LY96: variants seen among roughly 807,000 people sequenced by gnomAD.
LY96 encodes lymphocyte antigen 96.
LY96 carries 18 observed loss-of-function variants against 18.9 expected under a neutral mutation model. The observed-to-expected ratio is 0.95, with a 90% confidence interval of 0.66 to 1.41. The LOEUF (loss-of-function observed/expected upper bound fraction) is 1.41. Among genes scored for constraint, LY96 ranks in the 40% most tolerant of loss-of-function variants. The pLI is 0.00. For missense variants in LY96, 175 were observed against 182.4 expected (o/e 0.96, Z 0.23); for synonymous variants, 66 against 62.6 (o/e 1.06, Z -0.26).
chr8:74,043,183 T>C, the LY96 span, among the ~76,000 whole-genome samples: 2 of 152,208 alleles, frequency 1.3e-5, no homozygotes, highest in African/African-American at 2.4e-5. Flanking sequence ...TGCCAGTAAA[T>C]ATTGAATGAT....
rs1168525577 is a variant in LY96, at chr8:74,002,044, T to G, written c.113-2752T>G. Among the ~76,000 whole-genome samples the G allele has an allele frequency of 8.1e-4, 29 of 35,778 alleles. 1 individual carries two copies. Among genetic ancestry groups the G allele is most frequent in the African/African-American group, 2.3e-3 (12 of 5,134 alleles). 23.5% of individuals were successfully genotyped at this position (35,778 alleles called of 152,430 possible). ...CTTCCTTCCTTCCTTCCTTCCTTCCTTCCTTCCTTCCTTCCTTCCTTCCTT... is the reference window on the plus strand; with the variant it reads ...CTTCCTTCCTTCCTTCCTTCCTTCCGTCCTTCCTTCCTTCCTTCCTTCCTT... On this transcript the variant is annotated intron_variant, in intron 1 of 4. Transcript: ENST00000284818.
the LY96 span, among the ~76,000 whole-genome samples, chr8:74,076,907 G>T: frequency 8.5e-5 from 13 of 152,280 alleles, no homozygotes; most frequent in South Asian, 2.7e-3. Flanking sequence ...CCTCAAGACT[G>T]CCCCTACTTC....
the LY96 span, among the ~76,000 whole-genome samples, chr8:74,077,962 G>C: frequency 6.6e-6 from 1 of 151,998 alleles, no homozygotes; most frequent in African/African-American, 2.4e-5. Context: ...AAAAAAATTA[G>C]CTGAGTGTGG....
intron 3 of LY96, among the ~76,000 whole-genome samples, chr8:74,014,157 C>G (rs1816589920): frequency 6.6e-6 from 1 of 151,660 alleles, no homozygotes; most frequent in South Asian, 2.1e-4. Context: ...AATCAAGACC[C>G]TCTTGGGCTG....
chr8:74,038,684 AC>A, the LY96 span, among the ~76,000 whole-genome samples: 1 of 152,160 alleles, frequency 6.6e-6, no homozygotes, highest in African/African-American at 2.4e-5. Flanking sequence ...GAGCCAGTGC[AC>A]CCAGACTCTC....
the LY96 span, among the ~76,000 whole-genome samples, chr8:74,094,882 T>A: frequency 3.9e-5 from 6 of 152,212 alleles, no homozygotes; most frequent in Non-Finnish European, 7.3e-5. Flanking sequence ...CATTCACATA[T>A]GGCTTTGTGT....
chr8:74,060,147 AAAC>A, the LY96 span, among the ~76,000 whole-genome samples: 9 of 151,316 alleles, frequency 5.9e-5, no homozygotes, highest in Non-Finnish European at 1.0e-4. Context: ...ACCTTGTTTC[AAAC>A]AACAACAACG....
At chr8:74,028,862 G>A in intron 4 of LY96, 94 bp from the exon 5 acceptor site, 1 of 697,018 alleles carries the variant, frequency 1.4e-6, no homozygotes, top group South Asian at 1.9e-5. Context: ...CAATTTAAAT[G>A]GCTTTCTGCT....
chr8:74,042,384 G>T, the LY96 span, among the ~76,000 whole-genome samples: 1 of 152,248 alleles, frequency 6.6e-6, no homozygotes, highest in Admixed American at 6.5e-5. Context: ...AGTCAGACAT[G>T]GTGGCAGGTG....
At chr8:73,996,360 CCTTCCTTCA>C (rs1563707684) in intron 1 of LY96, among the ~76,000 whole-genome samples, 91 of 116,802 alleles carry the variant, frequency 7.8e-4, no homozygotes, top group African/African-American at 2.6e-3. Flanking sequence ...TTCCTTCCTT[CCTTCCTTCA>C]TTCCTTTCTT....
chr8:74,001,935 C>T (rs1324106041), intron 1 of LY96, among the ~76,000 whole-genome samples: 4 of 141,146 alleles, frequency 2.8e-5, no homozygotes, highest in Non-Finnish European at 6.1e-5. Context: ...AGTTTTCAAC[C>T]AACCTTCCTT....
Position 74,004,886 on chromosome 8 carries a change from G to GTA in LY96, c.202+2_202+3dup. ...TTATTGCACATTTTCTACATTCCAAGTAAGTTCAAATTTTTGCTTTTATAG... is the reference window on the plus strand; with the variant it reads ...TTATTGCACATTTTCTACATTCCAAGTATAAGTTCAAATTTTTGCTTTTATAG... On this transcript the variant is annotated splice_donor_variant, in intron 2 of 4. Transcript: ENST00000284818. LOFTEE classifies it high-confidence loss of function. 1 of 1,590,614 alleles carries GTA rather than the reference G, an allele frequency of 6.3e-7. No homozygotes were observed. Among genetic ancestry groups the GTA allele is most frequent in the Non-Finnish European group, 8.6e-7 (1 of 1,161,426 alleles).
the LY96 span, among the ~76,000 whole-genome samples, chr8:74,049,169 A>G: frequency 4.6e-5 from 7 of 152,326 alleles, no homozygotes; most frequent in Non-Finnish European, 8.8e-5. Context: ...TTTGCCCACC[A>G]TTGTATCCTT....
chr8:74,038,127 T>C, the LY96 span, among the ~76,000 whole-genome samples: 1 of 152,216 alleles, frequency 6.6e-6, no homozygotes, highest in African/African-American at 2.4e-5. Context: ...AGATATGCAA[T>C]GTGTAAAATC....
the LY96 span, among the ~76,000 whole-genome samples, chr8:74,096,122 C>G: frequency 6.6e-6 from 1 of 152,234 alleles, no homozygotes; most frequent in Non-Finnish European, 1.5e-5. Flanking sequence ...CTCGTTACCA[C>G]TTCTTACTAT....
chr8:74,060,628 C>T, the LY96 span, among the ~76,000 whole-genome samples: 5 of 152,172 alleles, frequency 3.3e-5, no homozygotes, highest in African/African-American at 7.2e-5. Context: ...TGAGTCCCTC[C>T]TTGACCCTTG....
intron 1 of LY96, among the ~76,000 whole-genome samples, chr8:73,996,040 T>C (rs1208180569): frequency 3.9e-5 from 6 of 152,138 alleles, no homozygotes; most frequent in Admixed American, 1.3e-4. Flanking sequence ...CACTCACCAG[T>C]AGTATAGCCC....
chr8:74,033,130 G>A (rs1816997854), downstream of LY96, among the ~76,000 whole-genome samples: 1 of 152,066 alleles, frequency 6.6e-6, no homozygotes, highest in African/African-American at 2.4e-5. Context: ...GCCTTATCAA[G>A]TTTGCTGTCT....
At chr8:74,083,151 T>C in the LY96 span, among the ~76,000 whole-genome samples, 1 of 152,166 alleles carries the variant, frequency 6.6e-6, no homozygotes, top group Non-Finnish European at 1.5e-5. Flanking sequence ...AATACACATA[T>C]CATAAATGCA....
Sources: allele counts gnomAD v4.1 joint callset (sites outside exome capture counted in the v4.1 genomes callset), GRCh38; gene constraint gnomAD v4.1.1; transcripts MANE v1.5; gene names NCBI Gene and HGNC (gene_info 2026-07-23, HGNC 2026-07-21).